Variants in RHOH observed in about 807,000 individuals in gnomAD.
RHOH encodes rho-related GTP-binding protein RhoH.
Under a neutral mutation model 13.8 loss-of-function variants are expected in RHOH, and 6 were observed. The ratio of observed to expected loss-of-function variants is 0.44; its 90% CI spans 0.24 to 0.86. The LOEUF (loss-of-function observed/expected upper bound fraction) is 0.86, where lower values mean the gene tolerates loss of function less well. Among genes scored for constraint, RHOH ranks in the 40% least tolerant of loss-of-function variants. RHOH has a pLI of 0.24. For missense variants in RHOH, 147 were observed against 244.5 expected, an observed-to-expected ratio of 0.60 and a Z score of 2.66; for synonymous variants, 117 against 103.0, an observed-to-expected ratio of 1.14 and a Z score of -0.82.
rs1346958039 is a variant in RHOH at position 40,197,241 on chromosome 4, A to C, written c.-390A>C. 1 of 152,356 alleles carries C rather than the reference A, an allele frequency of 6.6e-6. No homozygotes were observed. The highest frequency in any genetic ancestry group is 2.4e-5 in the African/African-American group (1 of 41,580). 9.4% of individuals were successfully genotyped at this position (152,356 alleles called of 1,614,324 possible). Reference sequence around the variant, plus strand: ...GTTTTCACCTGCTTTTGTTGAACAAATTTGATTTCCGGAGTCAGTCATTTT... The same window carrying C: ...GTTTTCACCTGCTTTTGTTGAACAACTTTGATTTCCGGAGTCAGTCATTTT... On this transcript the variant is annotated 5_prime_UTR_variant, in exon 1 of 3. Coordinates refer to ENST00000381799, the MANE Select transcript of RHOH (RefSeq NM_004310.5).
intron 1 of RHOH, among the ~76,000 whole-genome samples, chr4:40,199,936 AG>A (rs1723743425): frequency 6.6e-6 from 1 of 152,226 alleles, no homozygotes; most frequent in African/African-American, 2.4e-5. Flanking sequence ...TTAATTGTGC[AG>A]GGGATTCCTA....
chr4:40,238,688 G>A lies in RHOH; in HGVS notation c.-330-4026G>A, dbSNP rs548708389. Among the ~76,000 whole-genome samples, 72 of 152,276 alleles carry A rather than the reference G, an allele frequency of 4.7e-4. 1 individual carries two copies. The highest frequency in any genetic ancestry group is 1.6e-3 in the Admixed American group (24 of 15,292). ...GACCCCGGAGGCTCTGGAGGTGAAG[G>A]CTCATTAATTCTATCTGATTCAAAG... On this transcript the variant is annotated intron_variant, in intron 1 of 2. Transcript: ENST00000381799.
At chr4:40,227,129 C>T (rs1727341158) in intron 1 of RHOH, among the ~76,000 whole-genome samples, 2 of 152,064 alleles carry the variant, frequency 1.3e-5, no homozygotes, top group African/African-American at 2.4e-5. Flanking sequence ...TGCACTCCAG[C>T]CTGGGTGACA....
In RHOH at chr4:40,230,353, C is replaced by A. The variant is rs548444502; in HGVS notation, c.-330-12361C>A. Among the ~76,000 whole-genome samples, 14 of 151,826 alleles carry A rather than the reference C, an allele frequency of 9.2e-5. No homozygotes were observed. The South Asian group carries it at 2.5e-3, about 27-fold the overall frequency. On this transcript the variant is annotated intron_variant, in intron 1 of 2. Coordinates refer to ENST00000381799, the MANE Select transcript of RHOH (RefSeq NM_004310.5). ...GCACCCGGCCTGGACTTTTTTGAGT[C>A]CAGGCCTCCCTCTGTTGTCCAGGAT... is the stretch of plus-strand genomic sequence containing the variant.
At chr4:40,211,942 G>A (rs16995625) in intron 1 of RHOH, among the ~76,000 whole-genome samples, 6,210 of 152,146 alleles carry the variant, frequency 0.041, 409 homozygotes, top group African/African-American at 0.14. Context: ...AAGCTGCCCC[G>A]AGCTGTCTAA....
At chr4:40,195,382 CTT>C (rs1723024558), upstream of RHOH, among the ~76,000 whole-genome samples, 1 of 135,002 alleles carries the variant, frequency 7.4e-6, no homozygotes, top group African/African-American at 2.9e-5. Flanking sequence ...TCCTTCCTTC[CTT>C]CCTTCCTTCC....
chr4:40,196,199 G>A (rs868470295), upstream of RHOH, among the ~76,000 whole-genome samples: 1 of 152,238 alleles, frequency 6.6e-6, no homozygotes, highest in Non-Finnish European at 1.5e-5. Context: ...GCATGGAGTT[G>A]ACTTTATCCT....
chr4:40,201,259 CT>C (rs955611150), intron 1 of RHOH, among the ~76,000 whole-genome samples: 30 of 150,094 alleles, frequency 2.0e-4, no homozygotes, highest in African/African-American at 4.9e-4. Context: ...CTATCCCCCC[CT>C]TTTTTTTTGC....
At chr4:40,216,229 G>C (rs1725867511) in intron 1 of RHOH, among the ~76,000 whole-genome samples, 1 of 151,156 alleles carries the variant, frequency 6.6e-6, no homozygotes. Context: ...AGAACTTTGG[G>C]AGACCGAGGT....
intron 1 of RHOH, among the ~76,000 whole-genome samples, chr4:40,239,526 T>C (rs1277713878): frequency 6.6e-6 from 1 of 152,252 alleles, no homozygotes; most frequent in African/African-American, 2.4e-5. Context: ...TAATAGGGAC[T>C]ACTTACTGTG....
At chr4:40,210,575 C>T (rs1448982423) in intron 1 of RHOH, among the ~76,000 whole-genome samples, 1 of 149,096 alleles carries the variant, frequency 6.7e-6, no homozygotes, top group Admixed American at 6.7e-5. Flanking sequence ...CTCCAGCTGC[C>T]GTGAAGGTGG....
intron 1 of RHOH, among the ~76,000 whole-genome samples, chr4:40,216,418 G>A (rs998894197): frequency 1.3e-5 from 2 of 151,502 alleles, no homozygotes; most frequent in Non-Finnish European, 2.9e-5. Flanking sequence ...GCAGTAAGCC[G>A]AGATCGCACC....
chr4:40,195,467 C>G (rs1429212470), upstream of RHOH, among the ~76,000 whole-genome samples: 1 of 150,174 alleles, frequency 6.7e-6, no homozygotes, highest in Non-Finnish European at 1.5e-5. Context: ...GTCTGTCCCT[C>G]TCTCTCTTTT....
upstream of RHOH, among the ~76,000 whole-genome samples, chr4:40,196,723 T>A (rs2109337486): frequency 6.9e-6 from 1 of 145,954 alleles, no homozygotes; most frequent in East Asian, 2.1e-4. Context: ...GTAATTTTAC[T>A]TCCATGAGGA....
chr4:40,222,387 G>T (rs776093407), intron 1 of RHOH, among the ~76,000 whole-genome samples: 32 of 152,178 alleles, frequency 2.1e-4, no homozygotes, highest in Non-Finnish European at 4.0e-4. Context: ...TCTAGTTAGG[G>T]GCTAATGCAG....
At chr4:40,233,225 T>G (rs1045278504) in intron 1 of RHOH, among the ~76,000 whole-genome samples, 1 of 152,250 alleles carries the variant, frequency 6.6e-6, no homozygotes, top group African/African-American at 2.4e-5. Context: ...ATTATTTTAT[T>G]TTAATTTTTA....
Position 40,246,660 on chromosome 4 carries a change from G to A in RHOH, c.*2698G>A, listed in dbSNP as rs1318356140. 2 of 152,332 alleles carry A rather than the reference G, an allele frequency of 1.3e-5. No homozygotes were observed. The highest frequency in any genetic ancestry group is 3.8e-4 in the East Asian group (2 of 5,200). The allele number at this position is 152,332 out of a possible 1,614,324, so 9.4% of individuals were successfully genotyped here. A position where few individuals can be genotyped will look rare whatever the true frequency, so the allele number is the denominator to read the frequency against. On this transcript the variant is annotated 3_prime_UTR_variant, in exon 3 of 3. Coordinates refer to ENST00000381799, the MANE Select transcript of RHOH (RefSeq NM_004310.5). ...GCACAGGGAAGGCAATGGAGGTAAA[G>A]TTGTGTTAAACTGAAATGGAGAGAA...
chr4:40,208,735 T>C (rs1182568253), intron 1 of RHOH, among the ~76,000 whole-genome samples: 2 of 152,130 alleles, frequency 1.3e-5, no homozygotes, highest in Admixed American at 1.3e-4. Context: ...TGTTTTATTA[T>C]AAAAGCAAGA....
chr4:40,201,945 G>GTTTTT (rs1179441198), intron 1 of RHOH, among the ~76,000 whole-genome samples: 2 of 109,036 alleles, frequency 1.8e-5, no homozygotes, highest in Non-Finnish European at 3.7e-5. Context: ...AACTCCATGA[G>GTTTTT]TTTTTTTTTT....
Sources: allele counts gnomAD v4.1 joint callset (sites outside exome capture counted in the v4.1 genomes callset), GRCh38; gene constraint gnomAD v4.1.1; transcripts MANE v1.5; gene names NCBI Gene and HGNC (gene_info 2026-07-23, HGNC 2026-07-21).